Variants in CUL2 observed in about 807,000 individuals in gnomAD.
The protein encoded by CUL2 is cullin-2.
CUL2 carries 22 observed loss-of-function variants against 110.2 expected under a neutral mutation model. The observed-to-expected ratio is 0.20, with a 90% CI of 0.14 to 0.28. The LOEUF (loss-of-function observed/expected upper bound fraction) is 0.28. Ranked by LOEUF, CUL2 falls within the 10% of genes least tolerant of loss-of-function variation. The pLI, the probability that CUL2 is intolerant of heterozygous loss-of-function variation, is 1.00. For missense variants in CUL2, 631 were observed against 905.5 expected (o/e 0.70, Z 3.89); for synonymous variants, 279 against 293.2 (o/e 0.95, Z 0.49).
upstream of CUL2, chr10:35,090,348 TCCCCGGCCGGCCGCCGCCACCGG>T (rs1210379357): frequency 6.6e-6 from 1 of 151,914 alleles, no homozygotes; most frequent in Non-Finnish European, 1.5e-5. Context: ...CGAGGCCGCC[TCCCCGGCCGGCCGCCGCCACCGG>T]CCCCGGAGAC....
At chr10:35,065,849 C>T (rs894765024) in intron 2 of CUL2, among the ~76,000 whole-genome samples, 5 of 152,084 alleles carry the variant, frequency 3.3e-5, no homozygotes, top group African/African-American at 4.8e-5. Flanking sequence ...CAGAGCGAGA[C>T]ACCATCTCAA....
chr10:35,013,634 C>T, intron 19 of CUL2, 65 bp downstream of exon 19: 2 of 1,035,268 alleles, frequency 1.9e-6, no homozygotes, highest in Non-Finnish European at 2.8e-6. Flanking sequence ...TCAATGTAAA[C>T]ACTTGTAAAG....
chr10:35,033,614 G>A (rs2085534437), intron 10 of CUL2, among the ~76,000 whole-genome samples: 1 of 152,010 alleles, frequency 6.6e-6, no homozygotes, highest in Non-Finnish European at 1.5e-5. Context: ...GCGTCCACCT[G>A]TAATCCCAGC....
At chr10:35,049,802 C>T (rs1443024303) in intron 5 of CUL2, 37 bp from the exon 6 acceptor site, 5 of 1,390,652 alleles carry the variant, frequency 3.6e-6, no homozygotes, top group Non-Finnish European at 5.1e-6. Context: ...GGCTGAATTA[C>T]TTAGTATATG....
chr10:35,083,728 A>G (rs546195522), intron 1 of CUL2, among the ~76,000 whole-genome samples: 1 of 152,354 alleles, frequency 6.6e-6, no homozygotes, highest in East Asian at 1.9e-4. Flanking sequence ...GGCGGGTCAC[A>G]GTGACTCATG....
rs2086041843 is a variant in CUL2, at chr10:35,049,587, C to CA, written c.506+95dup. The CA allele has an allele frequency of 9.1e-5, 85 of 938,592 alleles. 2 individuals carry two copies. The South Asian group carries it at 1.5e-3, about 16-fold the overall frequency. The allele number at this position is 938,592 out of a possible 1,614,324, so 58.1% of individuals were successfully genotyped here. A position where few individuals can be genotyped will look rare whatever the true frequency, so the allele number is the denominator to read the frequency against. On this transcript the variant is annotated intron_variant, in intron 6 of 20. Coordinates refer to ENST00000374749, the MANE Select transcript of CUL2 (RefSeq NM_003591.4). ...AGGCTCATTACAGTAAAACCAGCCC[C>CA]AAGGCTAGTCACTGGCTCTGCAATT...
At chr10:35,042,690 T>C (rs756531940) in intron 8 of CUL2, among the ~76,000 whole-genome samples, 1 of 152,156 alleles carries the variant, frequency 6.6e-6, no homozygotes, top group Non-Finnish European at 1.5e-5. Flanking sequence ...AGACCTTCCC[T>C]TATGTGTCTC....
At chr10:35,070,724 C>T (rs1299287481) in intron 2 of CUL2, among the ~76,000 whole-genome samples, 1 of 152,206 alleles carries the variant, frequency 6.6e-6, no homozygotes, top group East Asian at 1.9e-4. Flanking sequence ...TGGCTTGCTC[C>T]CTCGCTGCAT....
intron 9 of CUL2, among the ~76,000 whole-genome samples, chr10:35,037,572 G>A (rs906613566): frequency 6.6e-6 from 1 of 152,154 alleles, no homozygotes. Flanking sequence ...GGGGCCAAGG[G>A]TGGTGGCTCG....
chr10:35,035,644 T>A (rs886085389), intron 9 of CUL2, among the ~76,000 whole-genome samples: 3 of 152,232 alleles, frequency 2.0e-5, no homozygotes, highest in Admixed American at 6.5e-5. Context: ...TTCTATGTAT[T>A]TTACAGCTGC....
At chr10:35,074,477 A>T in intron 1 of CUL2, 5 of 538,498 alleles carry the variant, frequency 9.3e-6, no homozygotes. Context: ...CCTAACTCCC[A>T]CTGATAGTCT....
intron 11 of CUL2, 38 bp from the exon 12 acceptor site, chr10:35,032,532 T>C (rs998784343): frequency 1.3e-6 from 2 of 1,523,052 alleles, no homozygotes; most frequent in Non-Finnish European, 1.8e-6. Context: ...CCACCAGCCA[T>C]AGGGAAAAAG....
At chr10:35,086,682 C>G (rs988408820) in intron 1 of CUL2, among the ~76,000 whole-genome samples, 2 of 152,078 alleles carry the variant, frequency 1.3e-5, no homozygotes, top group African/African-American at 4.8e-5. Flanking sequence ...ACTAAAAATA[C>G]AAACTCCAGC....
intron 1 of CUL2, among the ~76,000 whole-genome samples, chr10:35,116,718 G>T (rs564771881): frequency 2.2e-4 from 33 of 152,288 alleles, no homozygotes; most frequent in African/African-American, 7.9e-4. Context: ...TGTAATCCCA[G>T]CATTTTGGGA....
chr10:35,012,306 A>G (rs1427344087), intron 19 of CUL2, among the ~76,000 whole-genome samples: 1 of 152,202 alleles, frequency 6.6e-6, no homozygotes, highest in Non-Finnish European at 1.5e-5. Context: ...ATTAGAAAAA[A>G]ATTTACATTA....
chr10:35,033,708 G>T (rs1419087846), intron 10 of CUL2, among the ~76,000 whole-genome samples: 2 of 150,306 alleles, frequency 1.3e-5, no homozygotes, highest in Non-Finnish European at 2.9e-5. Flanking sequence ...CTGCACTCCA[G>T]CTTGGGCGAC....
intron 8 of CUL2, among the ~76,000 whole-genome samples, chr10:35,039,483 CTAAT>C (rs1248513975): frequency 2.0e-5 from 3 of 152,262 alleles, no homozygotes; most frequent in African/African-American, 7.2e-5. Context: ...GTAGATGAAT[CTAAT>C]TATTTTACGT....
intron 20 of CUL2, among the ~76,000 whole-genome samples, chr10:35,011,148 A>G (rs977868711): frequency 1.3e-5 from 2 of 151,966 alleles, no homozygotes; most frequent in African/African-American, 4.8e-5. Context: ...CTCCCGCCTC[A>G]GCCTCCCAAG....
chr10:35,055,469 A>G (rs1411399883), intron 4 of CUL2, among the ~76,000 whole-genome samples: 2 of 152,220 alleles, frequency 1.3e-5, no homozygotes, highest in Admixed American at 6.5e-5. Flanking sequence ...GTCGGGGCTC[A>G]CGCCTGTAAT....
Sources: gnomAD v4.1 joint callset for allele counts (sites outside exome capture counted in the v4.1 genomes callset) on GRCh38, gnomAD v4.1.1 for gene constraint, MANE v1.5 for transcripts, NCBI Gene and HGNC (gene_info 2026-07-23, HGNC 2026-07-21) for gene names.